IL36RN: variants seen among roughly 807,000 people sequenced by gnomAD.
The protein encoded by IL36RN is interleukin 36 receptor antagonist, also known as interleukin-36 receptor antagonist protein.
IL36RN carries 11 observed loss-of-function variants against 13.0 expected under a neutral mutation model. The ratio of observed to expected loss-of-function variants is 0.85; its 90% CI spans 0.53 to 1.40. The LOEUF (loss-of-function observed/expected upper bound fraction) is 1.40. IL36RN is among the 40% of genes most tolerant of loss of function. The pLI is 0.00. For synonymous variants in IL36RN, 94 were observed against 84.1 expected (o/e 1.12, Z -0.64); for missense variants, 195 against 195.3 (o/e 1.00, Z 0.01).
At chr2:113,059,520 G>A (rs1156372603) in intron 2 of IL36RN, 53 bp downstream of exon 2, 1 of 1,602,308 alleles carries the variant, frequency 6.2e-7, no homozygotes, top group Non-Finnish European at 8.5e-7. Flanking sequence ...AGTGAGTTCT[G>A]GATAGACCCG....
chr2:113,062,344 C>T (rs1412166391), intron 4 of IL36RN, 93 bp downstream of exon 4: 1 of 1,606,014 alleles, frequency 6.2e-7, no homozygotes, highest in East Asian at 2.2e-5. Context: ...GTGGGACACC[C>T]TAGCAGGATT....
rs1330509196 is a variant in IL36RN, at chr2:113,064,568, G to A, written c.*1891G>A. On this transcript the variant is annotated 3_prime_UTR_variant, in exon 5 of 5. Coordinates refer to ENST00000393200, the MANE Select transcript of IL36RN (RefSeq NM_012275.3). ...TGGGGGAAGCTAGCTGCCATGCTAT[G>A]AGCAGGCCTATAAAGAGACTTACGT... 1.3e-5 allele frequency: 2 copies of A among 152,194 alleles called. No homozygotes were observed. The highest frequency in any genetic ancestry group is 2.9e-5 in the Non-Finnish European group (2 of 68,046). The allele number at this position is 152,194 out of a possible 1,614,324, so 9.4% of individuals were successfully genotyped here.
chr2:113,059,350 C>T (rs1308472863), intron 1 of IL36RN, 62 bp from the exon 2 acceptor site: 35 of 1,473,712 alleles, frequency 2.4e-5, no homozygotes, highest in Non-Finnish European at 2.9e-5. Context: ...GCTGCTTGCT[C>T]CCCAGACCCC....
At chr2:113,061,753 CA>C (rs1382214703) in intron 3 of IL36RN, among the ~76,000 whole-genome samples, 1 of 152,080 alleles carries the variant, frequency 6.6e-6, no homozygotes, top group Non-Finnish European at 1.5e-5. Flanking sequence ...TTGCTCTCAG[CA>C]ACATCACAGG....
At position 113,062,082 on chromosome 2, in the gene IL36RN, G is replaced by A. The variant is rs367728978; in HGVS notation, c.116-42G>A. Reference sequence around the variant, plus strand: ...GAGCCCAGGACAGGGGAAGAAGGAGGGAAAGGCATCCAGGGCCCTGCATCT... The same window carrying A: ...GAGCCCAGGACAGGGGAAGAAGGAGAGAAAGGCATCCAGGGCCCTGCATCT... On this transcript the variant is annotated intron_variant, in intron 3 of 4. Transcript: ENST00000393200. The A allele has an allele frequency of 2.4e-5, 38 of 1,607,588 alleles. No homozygotes were observed. The African/African-American group carries it at 4.0e-4, about 17-fold the overall frequency.
Position 113,062,655 on chromosome 2 carries a change from T to C in IL36RN, c.446T>C (p.Phe149Ser). The C allele has an allele frequency of 6.2e-7, 1 of 1,611,970 alleles. No individual in the cohort carries two copies. Among genetic ancestry groups the C allele is most frequent in the South Asian group, 1.1e-5 (1 of 91,054 alleles). The change falls in exon 5 of 5, where the codon TTC becomes TCC. Residue 149 changes from phenylalanine (F) to serine (S), a missense_variant. By Grantham distance (155) the Phe-to-Ser change is radical. Transcript: ENST00000393200. ...NGGWNAPITD[F>S]YFQQCD The stretch of plus-strand genomic sequence containing the variant: ...GGCTGGAATGCCCCCATCACAGACT[T>C]CTACTTCCAGCAGTGTGACTAGGGC...
chr2:113,059,008 C>A, upstream of IL36RN: 1 of 240,950 alleles, frequency 4.2e-6, no homozygotes, highest in Non-Finnish European at 8.3e-6. Context: ...CAAGGAAGTT[C>A]TTCAATATTT....
Position 113,059,472 on chromosome 2 carries a change from G to A in IL36RN, c.29+5G>A, listed in dbSNP as rs1685595922. 2 of 1,613,878 alleles carry A rather than the reference G, an allele frequency of 1.2e-6. No homozygotes were observed. Among genetic ancestry groups the A allele is most frequent in the Non-Finnish European group, 1.7e-6 (2 of 1,180,030 alleles). On this transcript the variant is annotated splice_donor_5th_base_variant and intron_variant, in intron 2 of 4. Coordinates refer to ENST00000393200, the MANE Select transcript of IL36RN (RefSeq NM_012275.3). ...GAGTGGGGCGCTGTGCTTCCGGTGA[G>A]TGTATGAGGCCCTGGTTTGGTGGTG...
At position 113,062,173 on chromosome 2, in the gene IL36RN, C is replaced by A. The variant is rs2105069324; in HGVS notation, c.165C>A (p.Ser55=). The change falls in exon 4 of 5, where the codon TCC becomes TCA. Residue 55 remains serine (S), a synonymous_variant. Transcript: ENST00000393200. ...ATCGGTGGCTGGATGCCAGCCTGTC[C>A]CCCGTCATCCTGGGTGTCCAGGGTG... ...VPNRWLDASL[S]PVILGVQGGS... 6.2e-7 allele frequency: 1 copy of A among 1,614,080 alleles called. No homozygotes were observed. Among genetic ancestry groups the A allele is most frequent in the Non-Finnish European group, 8.5e-7 (1 of 1,179,960 alleles).
chr2:113,062,630 G>C lies in IL36RN; in HGVS notation c.421G>C (p.Gly141Arg). Reference protein sequence around the residue: ...VRLTQLPENGGWNAPITDFYF... With the variant: ...VRLTQLPENGRWNAPITDFYF... ...ACTCACCCAGCTTCCCGAGAATGGT[G>C]GCTGGAATGCCCCCATCACAGACTT... The change falls in exon 5 of 5, where the codon GGC (glycine) becomes CGC (arginine). Residue 141 changes from glycine (G) to arginine (R), a missense_variant. Gly to Arg is a moderately radical substitution (Grantham distance 125). Transcript: ENST00000393200. The C allele has an allele frequency of 6.2e-7, 1 of 1,613,216 alleles. No homozygotes were observed. Among genetic ancestry groups the C allele is most frequent in the Non-Finnish European group, 8.5e-7 (1 of 1,180,012 alleles).
At position 113,059,388 on chromosome 2, in the gene IL36RN, T is replaced by A. The variant is rs778145654; in HGVS notation, c.-27-24T>A. ...CCAACTCAGCCTCTCTCTCCATGAT[T>A]TTCTGTTGTTTATTCCAAAATAGGG... On this transcript the variant is annotated intron_variant, in intron 1 of 4. Transcript: ENST00000393200. 1.9e-6 allele frequency: 3 copies of A among 1,608,920 alleles called. No individual in the cohort carries two copies. The South Asian group carries it at 3.3e-5, about 18-fold the overall frequency.
chr2:113,059,829 C>A (rs904944114), intron 2 of IL36RN, among the ~76,000 whole-genome samples: 5 of 152,174 alleles, frequency 3.3e-5, no homozygotes, highest in African/African-American at 7.2e-5. Flanking sequence ...GCCCCTGCCT[C>A]CCTGCTACTC....
chr2:113,062,984 C>T lies in IL36RN; in HGVS notation c.*307C>T, dbSNP rs780966265. ...GGTGGGGGAGTGGTGGGAATCATTC[C>T]TGCTTAATGGTAACTGACCAGTGTT... On this transcript the variant is annotated 3_prime_UTR_variant, in exon 5 of 5. Coordinates refer to ENST00000393200, the MANE Select transcript of IL36RN (RefSeq NM_012275.3). 13 of 404,228 alleles carry T rather than the reference C, an allele frequency of 3.2e-5. No individual in the cohort carries two copies. The highest frequency in any genetic ancestry group is 6.1e-5 in the Non-Finnish European group (13 of 212,846). 25.0% of individuals were successfully genotyped at this position (404,228 alleles called of 1,614,324 possible). A position where few individuals can be genotyped will look rare whatever the true frequency, so the allele number is the denominator to read the frequency against.
At chr2:113,059,319 C>T in intron 1 of IL36RN, 78 bp downstream of exon 1, 1 of 1,098,444 alleles carries the variant, frequency 9.1e-7, no homozygotes, top group South Asian at 1.3e-5. Flanking sequence ...AGGCTGTTCA[C>T]ATGCTGGGGA....
chr2:113,059,334 G>T, intron 1 of IL36RN, 78 bp from the exon 2 acceptor site: 1 of 1,271,296 alleles, frequency 7.9e-7, no homozygotes, highest in South Asian at 1.2e-5. Flanking sequence ...TGGGGAGCTC[G>T]GTGCAGCTGC....
chr2:113,060,234 C>G (rs1230638393), intron 2 of IL36RN, among the ~76,000 whole-genome samples: 1 of 152,196 alleles, frequency 6.6e-6, no homozygotes, highest in East Asian at 1.9e-4. Flanking sequence ...CCCCATATAA[C>G]TTTTGGAGAA....
In IL36RN at chr2:113,059,217, C is replaced by T. The variant is rs565513279; in HGVS notation, c.-52C>T. The T allele has an allele frequency of 2.9e-5, 18 of 617,972 alleles. No homozygotes were observed. Among genetic ancestry groups the T allele is most frequent in the African/African-American group, 9.1e-5 (5 of 55,086 alleles). The allele number at this position is 617,972 out of a possible 1,614,324, so 38.3% of individuals were successfully genotyped here. ...AGGAACAGGCAGACTCCACAGCTCCCGCCAGGAGAAAGGAACATTCTGAGG... is the reference window on the plus strand; with the variant it reads ...AGGAACAGGCAGACTCCACAGCTCCTGCCAGGAGAAAGGAACATTCTGAGG... On this transcript the variant is annotated 5_prime_UTR_variant, in exon 1 of 5. Coordinates refer to ENST00000393200, the MANE Select transcript of IL36RN (RefSeq NM_012275.3).
intron 4 of IL36RN, 59 bp from the exon 5 acceptor site, chr2:113,062,394 C>T (rs956637670): frequency 5.0e-6 from 8 of 1,606,386 alleles, no homozygotes; most frequent in Non-Finnish European, 6.8e-6. Flanking sequence ...AGGATCCTGC[C>T]CAGCCCTCCC....
intron 2 of IL36RN, 104 bp downstream of exon 2, chr2:113,059,571 C>A: frequency 1.5e-6 from 2 of 1,321,062 alleles, no homozygotes; most frequent in Non-Finnish European, 1.1e-6. Flanking sequence ...GAGGGGCTGC[C>A]ATTGCAGCTG....
Sources: allele counts gnomAD v4.1 joint callset (sites outside exome capture counted in the v4.1 genomes callset), GRCh38; gene constraint gnomAD v4.1.1; transcripts MANE v1.5; gene names NCBI Gene and HGNC (gene_info 2026-07-23, HGNC 2026-07-21).